The following DYNC2I1 variants were observed in gnomAD, a reference collection of about 807,000 sequenced individuals.
DYNC2I1 encodes the protein cytoplasmic dynein 2 intermediate chain 1.
Under a neutral mutation model 133.4 loss-of-function variants are expected in DYNC2I1, and 89 were observed. That is an observed-to-expected ratio of 0.67 (90% CI 0.56 to 0.80). The LOEUF is 0.80. Ranked by LOEUF, DYNC2I1 falls within the 30% of genes least tolerant of loss-of-function variation. The pLI is 0.00. For synonymous variants in DYNC2I1, 504 were observed against 484.3 expected, an observed-to-expected ratio of 1.04 and a Z score of -0.54; for missense variants, 1,291 against 1,314.5, an observed-to-expected ratio of 0.98 and a Z score of 0.28.
intron 8 of DYNC2I1, among the ~76,000 whole-genome samples, chr7:158,892,364 T>C (rs1845310685): frequency 6.6e-6 from 1 of 152,236 alleles, no homozygotes; most frequent in Non-Finnish European, 1.5e-5. Context: ...ACCATGACTT[T>C]ATATGATAAT....
At chr7:158,921,999 G>A (rs1171105990) in intron 15 of DYNC2I1, among the ~76,000 whole-genome samples, 1 of 152,230 alleles carries the variant, frequency 6.6e-6, no homozygotes, top group African/African-American at 2.4e-5. Context: ...CAGTGCTGAA[G>A]CCCCTGCAGC....
At chr7:158,915,382 CGTCG>C (rs1847988504) in intron 14 of DYNC2I1, among the ~76,000 whole-genome samples, 6 of 109,902 alleles carry the variant, frequency 5.5e-5, no homozygotes, top group Non-Finnish European at 6.3e-5. Flanking sequence ...GATTGTGAAA[CGTCG>C]ACATGCTGGT....
downstream of DYNC2I1, among the ~76,000 whole-genome samples, chr7:158,949,177 A>G (rs1029817500): frequency 6.6e-6 from 1 of 152,258 alleles, no homozygotes; most frequent in African/African-American, 2.4e-5. Context: ...AACACCAGGA[A>G]CACCCCGCAG....
intron 23 of DYNC2I1, 79 bp downstream of exon 23, chr7:158,934,628 T>C: frequency 2.1e-6 from 3 of 1,418,162 alleles, no homozygotes; most frequent in Non-Finnish European, 2.9e-6. Context: ...TCACCCAAGC[T>C]GGAGTGCAGT....
At chr7:158,843,855 G>T in the DYNC2I1 span, among the ~76,000 whole-genome samples, 765 of 152,180 alleles carry the variant, frequency 5.0e-3, 3 homozygotes, top group Non-Finnish European at 8.9e-3. Flanking sequence ...TTCCAAAGAG[G>T]GTTTTGGGAA....
chr7:158,944,800 G>A (rs1199406157), intron 24 of DYNC2I1, among the ~76,000 whole-genome samples: 5 of 152,190 alleles, frequency 3.3e-5, no homozygotes, highest in African/African-American at 7.2e-5. Context: ...AAGCAAAGAC[G>A]GGCAGGGAGT....
intron 6 of DYNC2I1, among the ~76,000 whole-genome samples, chr7:158,886,291 C>A (rs1844597742): frequency 6.6e-6 from 1 of 151,974 alleles, no homozygotes; most frequent in Non-Finnish European, 1.5e-5. Flanking sequence ...GCCACCACGC[C>A]TGGCTAATTT....
chr7:158,949,574 C>G (rs894319705), downstream of DYNC2I1, among the ~76,000 whole-genome samples: 13 of 152,186 alleles, frequency 8.5e-5, no homozygotes, highest in Non-Finnish European at 1.8e-4. Context: ...AATCATCGCA[C>G]AGCAGCAAAG....
At chr7:158,857,736 C>A (rs180849599) in intron 1 of DYNC2I1, among the ~76,000 whole-genome samples, 1 of 150,726 alleles carries the variant, frequency 6.6e-6, no homozygotes, top group Admixed American at 6.6e-5. Context: ...TGAGGTTTCA[C>A]CGTGTTGGCC....
At chr7:158,862,634 T>A (rs999518002) in intron 1 of DYNC2I1, among the ~76,000 whole-genome samples, 1 of 151,604 alleles carries the variant, frequency 6.6e-6, no homozygotes, top group African/African-American at 2.4e-5. Flanking sequence ...GTGGGAGGAT[T>A]TCTTGAGCAC....
intron 11 of DYNC2I1, among the ~76,000 whole-genome samples, chr7:158,906,492 C>T (rs1393003018): frequency 6.6e-6 from 1 of 152,108 alleles, no homozygotes; most frequent in Admixed American, 6.5e-5. Context: ...GAGTTTCACT[C>T]TTGTTGCCCA....
intron 1 of DYNC2I1, 69 bp downstream of exon 1, chr7:158,856,819 GCGC>G: frequency 4.1e-6 from 5 of 1,226,046 alleles, no homozygotes; most frequent in Non-Finnish European, 5.1e-6. Context: ...GCCGCTAGCA[GCGC>G]CGCCGCCGCC....
intron 11 of DYNC2I1, among the ~76,000 whole-genome samples, chr7:158,908,912 G>C (rs1184244612): frequency 6.6e-6 from 1 of 151,958 alleles, no homozygotes; most frequent in Non-Finnish European, 1.5e-5. Flanking sequence ...AGGACACAGA[G>C]AGAATTCACA....
At chr7:158,956,937 G>A (rs772790310), downstream of DYNC2I1, among the ~76,000 whole-genome samples, 4 of 152,176 alleles carry the variant, frequency 2.6e-5, no homozygotes, top group Non-Finnish European at 5.9e-5. Context: ...GCACGGGCAG[G>A]GCTCCCGTGA....
At chr7:158,918,212 C>G (rs1022755172) in intron 14 of DYNC2I1, among the ~76,000 whole-genome samples, 3 of 152,040 alleles carry the variant, frequency 2.0e-5, no homozygotes, top group African/African-American at 7.2e-5. Flanking sequence ...GCTTCTCATT[C>G]AACACTCTCT....
At chr7:158,895,378 T>C (rs1351176296) in intron 8 of DYNC2I1, among the ~76,000 whole-genome samples, 2 of 152,216 alleles carry the variant, frequency 1.3e-5, no homozygotes, top group African/African-American at 4.8e-5. Context: ...TCCAGCACCA[T>C]TTTTTGTGGA....
intron 5 of DYNC2I1, among the ~76,000 whole-genome samples, chr7:158,880,657 A>C (rs1033921224): frequency 1.3e-5 from 2 of 152,234 alleles, no homozygotes; most frequent in Admixed American, 1.3e-4. Flanking sequence ...TTCAACCAGA[A>C]TTGGTATAAG....
At chr7:158,939,576 A>C (rs1851117505) in intron 23 of DYNC2I1, among the ~76,000 whole-genome samples, 1 of 152,222 alleles carries the variant, frequency 6.6e-6, no homozygotes, top group African/African-American at 2.4e-5. Flanking sequence ...GAGGAGTCTT[A>C]AGCAGAAATC....
Position 158,914,344 on chromosome 7 carries a change from G to A in DYNC2I1, c.1791+23G>A, listed in dbSNP as rs780336995. ...CAGGTATACTCAACCTATATATGTT[G>A]TGTTCTCTGTGTAAGTGCTTAAAGT... On this transcript the variant is annotated intron_variant, in intron 14 of 24. Coordinates refer to ENST00000407559, the MANE Select transcript of DYNC2I1 (RefSeq NM_018051.5). The A allele has an allele frequency of 1.3e-5, 20 of 1,582,878 alleles. No individual in the cohort carries two copies. In the East Asian group the frequency reaches 4.1e-4, roughly 32 times the overall value.
Sources: allele counts gnomAD v4.1 joint callset (sites outside exome capture counted in the v4.1 genomes callset), GRCh38; gene constraint gnomAD v4.1.1; transcripts MANE v1.5; gene names NCBI Gene and HGNC (gene_info 2026-07-23, HGNC 2026-07-21).